The following ARHGEF10L variants were observed in gnomAD, a reference collection of about 807,000 sequenced individuals.
ARHGEF10L encodes the protein Rho guanine nucleotide exchange factor 10 like.
ARHGEF10L carries 69 observed loss-of-function variants against 141.2 expected under a neutral mutation model. That is an observed-to-expected ratio of 0.49 (90% CI 0.40 to 0.60). The LOEUF (loss-of-function observed/expected upper bound fraction) is 0.60, where lower values mean the gene tolerates loss of function less well. Among genes scored for constraint, ARHGEF10L ranks in the 20% least tolerant of loss-of-function variants. The pLI, the probability that ARHGEF10L is intolerant of heterozygous loss-of-function variation, is 0.00. For synonymous variants in ARHGEF10L, 711 were observed against 718.5 expected, an observed-to-expected ratio of 0.99 and a Z score of 0.17; for missense variants, 1,482 against 1,734.3, an observed-to-expected ratio of 0.85 and a Z score of 2.58.
At chr1:17,664,356 G>C (rs1415174538) in intron 25 of ARHGEF10L, 91 bp from the exon 26 acceptor site, 2 of 1,406,636 alleles carry the variant, frequency 1.4e-6, no homozygotes, top group Non-Finnish European at 1.9e-6. Flanking sequence ...GGTGTGGGGG[G>C]CCCTGCTGAG....
At chr1:17,571,928 CAA>C (rs769206489) in intron 1 of ARHGEF10L, among the ~76,000 whole-genome samples, 65 of 152,204 alleles carry the variant, frequency 4.3e-4, no homozygotes, top group Non-Finnish European at 7.8e-4. Context: ...TTGTACCATG[CAA>C]AAGACTCCTC....
At chr1:17,610,575 C>T (rs1404933443) in intron 7 of ARHGEF10L, among the ~76,000 whole-genome samples, 1 of 152,204 alleles carries the variant, frequency 6.6e-6, no homozygotes, top group Non-Finnish European at 1.5e-5. Flanking sequence ...ACTGAGCCTG[C>T]CTGTGGTGCT....
chr1:17,532,191 C>G, the ARHGEF10L span, among the ~76,000 whole-genome samples: 1 of 152,212 alleles, frequency 6.6e-6, no homozygotes, highest in Non-Finnish European at 1.5e-5. Flanking sequence ...GACACATCCC[C>G]TCTATCTTCA....
At chr1:17,638,853 C>T (rs905687026) in intron 20 of ARHGEF10L, among the ~76,000 whole-genome samples, 164 bp downstream of exon 20, 1 of 152,170 alleles carries the variant, frequency 6.6e-6, no homozygotes, top group African/African-American at 2.4e-5. Context: ...ATCTGGCACG[C>T]AGTAGGTGCT....
Position 17,648,618 on chromosome 1 carries a change from G to C in ARHGEF10L, c.2337G>C (p.Trp779Cys), listed in dbSNP as rs759438510. The change falls in exon 22 of 29, where the codon TGG becomes TGC. Residue 779 changes from tryptophan to cysteine, a missense_variant. Coordinates refer to ENST00000361221, the MANE Select transcript of ARHGEF10L (RefSeq NM_018125.4). ...DEDKKSKAPF[W>C]CPILACCIPA... ...ACAAGAAGAGCAAAGCCCCATTCTG[G>C]TGCCCGATCCTGGCCTGCTGCATCC... The C allele has an allele frequency of 6.2e-7, 1 of 1,613,360 alleles. No homozygotes were observed. Among genetic ancestry groups the C allele is most frequent in the African/African-American group, 1.3e-5 (1 of 74,898 alleles).
rs1339445583 is a variant in ARHGEF10L, at chr1:17,673,780, A to G, written c.3009+9185A>G. ...ATGGCCTCAGTTTCCTTCCTGTAAA[A>G]TGGGGGATAATTATAGAACCTGCCC... On this transcript the variant is annotated intron_variant, in intron 26 of 28. Transcript: ENST00000361221. The surrounding 1 kb of genome is among the most constrained non-coding windows in gnomAD (Gnocchi z 4.1). 6.6e-6 allele frequency among the ~76,000 whole-genome samples: 1 copy of G among 152,106 alleles called. No homozygotes were observed. Among genetic ancestry groups the G allele is most frequent in the Admixed American group, 6.5e-5 (1 of 15,280 alleles).
the ARHGEF10L span, among the ~76,000 whole-genome samples, chr1:17,532,582 C>T: frequency 1.5e-4 from 22 of 148,666 alleles, 1 homozygote; most frequent in South Asian, 4.6e-3. Flanking sequence ...GTCCTTTGTC[C>T]CTTCACCCTT....
intron 1 of ARHGEF10L, among the ~76,000 whole-genome samples, chr1:17,566,521 G>A (rs895204314): frequency 6.6e-6 from 1 of 152,246 alleles, no homozygotes; most frequent in Non-Finnish European, 1.5e-5. Context: ...CATCTTCTGG[G>A]ATGTGGAGGG....
the ARHGEF10L span, among the ~76,000 whole-genome samples, chr1:17,527,865 CTTTTCTTTTTT>C: frequency 8.6e-6 from 1 of 115,636 alleles, no homozygotes; most frequent in Non-Finnish European, 1.8e-5. Context: ...TTCTTTCTTT[CTTTTCTTTTTT>C]TTTTTTTTTT....
Position 17,549,751 on chromosome 1 carries a change from A to G in ARHGEF10L, c.-44+9801A>G, listed in dbSNP as rs12038752. Among the ~76,000 whole-genome samples, 670 of 152,296 alleles carry G rather than the reference A, an allele frequency of 4.4e-3. 25 individuals carry two copies. In the East Asian group the frequency reaches 0.1, roughly 23 times the overall value. On this transcript the variant is annotated intron_variant, in intron 1 of 28. Coordinates refer to ENST00000361221, the MANE Select transcript of ARHGEF10L (RefSeq NM_018125.4). ...TCCACTTCCCATAAATACCTTTACT[A>G]ATGAAATATAGTTCCAAGATTCCAG... is the stretch of plus-strand genomic sequence containing the variant.
chr1:17,580,627 C>T lies in ARHGEF10L; in HGVS notation c.32C>T (p.Ala11Val). Reference sequence around the variant, plus strand: ...TCCTCCAACCCTCCTCCACAGCCTGCCATAGGTACCGTACCCAGGGCTTCC... The same window carrying T: ...TCCTCCAACCCTCCTCCACAGCCTGTCATAGGTACCGTACCCAGGGCTTCC... MASSNPPPQP[A>V]IGDQLVPGVP... Residue 11 changes from alanine to valine, a missense_variant, in exon 2 of 29, where the codon GCC becomes GTC. Around this residue, in one of 3 missense-constraint regions of ARHGEF10L, gnomAD observed 232 missense variants for 225.9 expected, o/e 1.03. Coordinates refer to ENST00000361221, the MANE Select transcript of ARHGEF10L (RefSeq NM_018125.4). 2 of 1,614,200 alleles carry T rather than the reference C, an allele frequency of 1.2e-6. No individual in the cohort carries two copies. The highest frequency in any genetic ancestry group is 1.7e-6 in the Non-Finnish European group (2 of 1,180,032).
At position 17,625,162 on chromosome 1, in the gene ARHGEF10L, C is replaced by T. The variant is rs2060315019; in HGVS notation, c.1317+659C>T. ...AAAGAGAACAGGGGATCAGGAGGAG[C>T]CACCATCTGACATGGGCCCTGGCGG... On this transcript the variant is annotated intron_variant, in intron 13 of 28. Transcript: ENST00000361221. This position sits in a 1 kb window ranked among gnomAD's most constrained non-coding sequence, Gnocchi z 4.5. Among the ~76,000 whole-genome samples the T allele has an allele frequency of 6.6e-6, 1 of 152,194 alleles. No homozygotes were observed.
intron 26 of ARHGEF10L, among the ~76,000 whole-genome samples, chr1:17,674,200 C>A (rs1482330261): frequency 6.6e-6 from 1 of 152,202 alleles, no homozygotes; most frequent in African/African-American, 2.4e-5. Context: ...CCCACGCCAG[C>A]TCTTCCCTTC....
intron 1 of ARHGEF10L, among the ~76,000 whole-genome samples, chr1:17,543,588 A>C (rs1011241684): frequency 1.7e-4 from 26 of 152,108 alleles, no homozygotes; most frequent in African/African-American, 6.3e-4. Context: ...CGTCTCAAAA[A>C]AAAAAATTTT....
At chr1:17,585,078 T>C (rs1280313238) in intron 2 of ARHGEF10L, among the ~76,000 whole-genome samples, 3 of 152,240 alleles carry the variant, frequency 2.0e-5, no homozygotes, top group African/African-American at 7.2e-5. Flanking sequence ...ATACAATGTT[T>C]AGAAACATCT....
intron 1 of ARHGEF10L, among the ~76,000 whole-genome samples, chr1:17,541,226 C>T (rs1051089033): frequency 2.0e-5 from 3 of 152,190 alleles, no homozygotes; most frequent in Non-Finnish European, 4.4e-5. Flanking sequence ...CATCCTTCAC[C>T]TCTTTCATTT....
chr1:17,625,879 G>A lies in ARHGEF10L; in HGVS notation c.1318-77G>A. On this transcript the variant is annotated intron_variant, in intron 13 of 28. Coordinates refer to ENST00000361221, the MANE Select transcript of ARHGEF10L (RefSeq NM_018125.4). The surrounding 1 kb of genome is among the most constrained non-coding windows in gnomAD (Gnocchi z 4.5). The stretch of plus-strand genomic sequence containing the variant: ...GGCCTGGGGAGAGGAGCCCAGAATG[G>A]GGACAGTGTCTGGACTCTGGGGCAC... 2.3e-6 allele frequency: 3 copies of A among 1,288,620 alleles called. No homozygotes were observed. The highest frequency in any genetic ancestry group is 1.2e-5 in the South Asian group (1 of 80,804). The allele number at this position is 1,288,620 out of a possible 1,614,324, so 79.8% of individuals were successfully genotyped here.
intron 22 of ARHGEF10L, among the ~76,000 whole-genome samples, chr1:17,651,258 G>A (rs926154580): frequency 3.3e-5 from 5 of 152,202 alleles, no homozygotes; most frequent in Non-Finnish European, 7.3e-5. Flanking sequence ...CCGTCGGCAA[G>A]GGAGGTGGAC....
chr1:17,607,652 G>GA lies in ARHGEF10L; in HGVS notation c.434-150_434-149insA. 1.4e-6 allele frequency: 1 copy of GA among 733,000 alleles called. No individual in the cohort carries two copies. The highest frequency in any genetic ancestry group is 2.5e-5 in the South Asian group (1 of 40,478). The allele number at this position is 733,000 out of a possible 1,614,324, so 45.4% of individuals were successfully genotyped here. A position where few individuals can be genotyped will look rare whatever the true frequency, so the allele number is the denominator to read the frequency against. On this transcript the variant is annotated intron_variant, in intron 6 of 28. Coordinates refer to ENST00000361221, the MANE Select transcript of ARHGEF10L (RefSeq NM_018125.4). The surrounding 1 kb of genome is among the most constrained non-coding windows in gnomAD (Gnocchi z 4.5). ...AAATGTATTATCATCTTCGTTTCATGGTTGAGGAGGTAGAGCTGGAGCCCC... is the reference window on the plus strand; with the variant it reads ...AAATGTATTATCATCTTCGTTTCATGAGTTGAGGAGGTAGAGCTGGAGCCCC...
Sources: gnomAD v4.1 joint callset for allele counts (sites outside exome capture counted in the v4.1 genomes callset) on GRCh38, gnomAD v4.1.1 for gene constraint, gnomAD v4.1.1 regional missense constraint, Gnocchi (gnomAD v3.1) non-coding constraint, MANE v1.5 for transcripts, NCBI Gene and HGNC (gene_info 2026-07-23, HGNC 2026-07-21) for gene names.